DNAI4: variants seen among roughly 807,000 people sequenced by gnomAD.
The protein encoded by DNAI4 is dynein axonemal intermediate chain 4, also known as WD repeat domain 78.
DNAI4 carries 85 observed loss-of-function variants against 105.8 expected under a neutral mutation model. The ratio of observed to expected loss-of-function variants is 0.80; its 90% CI spans 0.67 to 0.96. DNAI4 has a LOEUF of 0.96. DNAI4 is among the 40% of genes least tolerant of loss of function. The probability of loss-of-function intolerance (pLI) is 0.00; values close to 1 mark genes in which losing one functional copy is unlikely to be tolerated. For synonymous variants in DNAI4, 352 were observed against 331.5 expected (o/e 1.06, Z -0.67); for missense variants, 1,014 against 1,005.6 (o/e 1.01, Z -0.11).
chr1:66,867,632 TTCTGTGGAGGGACACG>T (rs1646760115), intron 6 of DNAI4, among the ~76,000 whole-genome samples: 1 of 152,172 alleles, frequency 6.6e-6, no homozygotes. Flanking sequence ...TTAGGAGCAT[TTCTGTGGAGGGACACG>T]TCAGAACTAC....
chr1:66,825,067 T>C (rs538179701), intron 15 of DNAI4, among the ~76,000 whole-genome samples: 6 of 152,184 alleles, frequency 3.9e-5, no homozygotes, highest in South Asian at 4.1e-4. Context: ...GATAGGAATA[T>C]ATAGAGACAG....
intron 2 of DNAI4, among the ~76,000 whole-genome samples, chr1:66,901,613 T>C (rs1648828224): frequency 1.3e-5 from 2 of 152,226 alleles, no homozygotes; most frequent in South Asian, 2.1e-4. Flanking sequence ...CAGTCATTTG[T>C]GGATGAGGAC....
rs368461868 is a variant in DNAI4 at position 66,906,011 on chromosome 1, C to T, written c.171-636G>A. ...TGATCTCGGCTCACCGCAACCTCCG[C>T]CTCCTGGGTTCAAGCGATTCTTCTG... is the stretch of plus-strand genomic sequence containing the variant. On this transcript the variant is annotated intron_variant, in intron 1 of 16. Transcript: ENST00000371026. 3.2e-4 allele frequency among the ~76,000 whole-genome samples: 48 copies of T among 150,502 alleles called. No homozygotes were observed. In the East Asian group the frequency reaches 8.1e-3, roughly 25 times the overall value.
chr1:66,838,936 A>G (rs1353182398), intron 9 of DNAI4, among the ~76,000 whole-genome samples: 1 of 152,216 alleles, frequency 6.6e-6, no homozygotes, highest in Non-Finnish European at 1.5e-5. Flanking sequence ...TAGCGCCTTA[A>G]CAGTGTGCCA....
At chr1:66,888,207 C>T (rs1479993494) in intron 4 of DNAI4, among the ~76,000 whole-genome samples, 1 of 151,888 alleles carries the variant, frequency 6.6e-6, no homozygotes, top group African/African-American at 2.4e-5. Flanking sequence ...AGGCCTAAAC[C>T]CTAGTCCCAG....
intron 8 of DNAI4, 49 bp from the exon 9 acceptor site, chr1:66,840,720 A>C (rs746638818): frequency 9.4e-6 from 15 of 1,597,554 alleles, no homozygotes. Flanking sequence ...ATCTATAGGG[A>C]CCTGCCAAAG....
At chr1:66,893,055 G>GAAAGAAAGAAAGAAAGAAAGAA (rs1226481232) in intron 3 of DNAI4, among the ~76,000 whole-genome samples, 174 bp downstream of exon 3, 3 of 80,736 alleles carry the variant, frequency 3.7e-5, no homozygotes, top group African/African-American at 1.6e-4. Context: ...AAGAAAGAAA[G>GAAAGAAAGAAAGAAAGAAAGAA]AGAGAGAGAG....
intron 1 of DNAI4, among the ~76,000 whole-genome samples, chr1:66,913,841 G>T (rs1354012227): frequency 6.6e-6 from 1 of 152,082 alleles, no homozygotes; most frequent in Non-Finnish European, 1.5e-5. Context: ...AATTAGCCAG[G>T]CGTGGTGGCG....
chr1:66,871,727 C>T (rs59251443), intron 5 of DNAI4, among the ~76,000 whole-genome samples: 6,730 of 152,214 alleles, frequency 0.044, 486 homozygotes, highest in African/African-American at 0.15. Flanking sequence ...CTACTACTAT[C>T]GGTACCTTAT....
chr1:66,913,287 T>C (rs1351614932), intron 1 of DNAI4, among the ~76,000 whole-genome samples: 2 of 152,168 alleles, frequency 1.3e-5, no homozygotes, highest in Admixed American at 6.5e-5. Flanking sequence ...ATTTTTGTTG[T>C]TGTTTGTTCT....
rs115643879 is a variant in DNAI4 at position 66,924,220 on chromosome 1, G to C, written c.170+442C>G. 9.2e-3 allele frequency among the ~76,000 whole-genome samples: 1,408 copies of C among 152,312 alleles called. 10 individuals carry two copies. Among genetic ancestry groups the C allele is most frequent in the South Asian group, 0.043 (207 of 4,824 alleles). The stretch of plus-strand genomic sequence containing the variant: ...GAGTCTCGCTCTGTTGCTCAGGCTC[G>C]AGTGCAACGGCACGATCTCGGCTTA... On this transcript the variant is annotated intron_variant, in intron 1 of 16. Coordinates refer to ENST00000371026, the MANE Select transcript of DNAI4 (RefSeq NM_024763.5).
At chr1:66,814,463 G>A (rs1280502619) in intron 16 of DNAI4, among the ~76,000 whole-genome samples, 3 of 152,072 alleles carry the variant, frequency 2.0e-5, no homozygotes, top group African/African-American at 7.2e-5. Flanking sequence ...CCGCCTCCTG[G>A]GTTCAAGCAA....
chr1:66,824,393 G>C (rs962015099), intron 15 of DNAI4, among the ~76,000 whole-genome samples: 25 of 152,134 alleles, frequency 1.6e-4, no homozygotes, highest in African/African-American at 6.0e-4. Flanking sequence ...GGCGATGCGG[G>C]CTCTTTTTTG....
In DNAI4 at chr1:66,862,132, T is replaced by G. The variant is rs747987090; in HGVS notation, c.1096+15A>C. 1 of 1,556,520 alleles carries G rather than the reference T, an allele frequency of 6.4e-7. No homozygotes were observed. Among genetic ancestry groups the G allele is most frequent in the South Asian group, 1.2e-5 (1 of 81,908 alleles). On this transcript the variant is annotated intron_variant, in intron 7 of 16. Coordinates refer to ENST00000371026, the MANE Select transcript of DNAI4 (RefSeq NM_024763.5). ...TTAAAGTCATTCAAAAAAACTAAAA[T>G]AAATGAAATCTTACTTTTTTCTGTA... is the stretch of plus-strand genomic sequence containing the variant.
chr1:66,821,560 T>C (rs965352242), intron 16 of DNAI4, among the ~76,000 whole-genome samples: 6 of 152,226 alleles, frequency 3.9e-5, no homozygotes, highest in Non-Finnish European at 8.8e-5. Flanking sequence ...CTTGTAAATC[T>C]GATATGTGAG....
intron 2 of DNAI4, among the ~76,000 whole-genome samples, chr1:66,904,420 T>C (rs554534532): frequency 1.1e-3 from 174 of 152,262 alleles, no homozygotes; most frequent in Non-Finnish European, 1.9e-3. Context: ...TTAGCAGTAT[T>C]GTATGGTTTT....
rs187360909 is a variant in DNAI4, at chr1:66,866,374, T to C, written c.941-4072A>G. 1.2e-3 allele frequency among the ~76,000 whole-genome samples: 184 copies of C among 152,128 alleles called. 1 individual carries two copies. Among genetic ancestry groups the C allele is most frequent in the African/African-American group, 3.3e-3 (139 of 41,516 alleles). ...TGCAGAAAAGAATTCAGACCGATAA[T>C]GTACCTAAGTATTCTGTCCTCAGGT... On this transcript the variant is annotated intron_variant, in intron 6 of 16. Transcript: ENST00000371026.
chr1:66,814,590 G>A (rs1027328463), intron 16 of DNAI4, among the ~76,000 whole-genome samples: 6 of 152,202 alleles, frequency 3.9e-5, no homozygotes, highest in Non-Finnish European at 5.9e-5. Context: ...GGATGGTCTC[G>A]ATCTCCTGAC....
At chr1:66,831,294 T>G (rs897634228) in intron 13 of DNAI4, among the ~76,000 whole-genome samples, 3 of 152,144 alleles carry the variant, frequency 2.0e-5, no homozygotes, top group Non-Finnish European at 4.4e-5. Flanking sequence ...AAAGGAATTC[T>G]ACGCAGGCAT....
Sources: gnomAD v4.1 joint callset for allele counts (sites outside exome capture counted in the v4.1 genomes callset) on GRCh38, gnomAD v4.1.1 for gene constraint, MANE v1.5 for transcripts, NCBI Gene and HGNC (gene_info 2026-07-23, HGNC 2026-07-21) for gene names.